The following HNRNPA1 variants were observed in gnomAD, a reference collection of about 807,000 sequenced individuals.
HNRNPA1 encodes the protein epididymis secretory sperm binding protein.
A neutral mutation model predicts 44.4 loss-of-function variants in HNRNPA1; 7 were observed. The observed-to-expected ratio is 0.16, with a 90% CI of 0.09 to 0.30. The LOEUF is 0.30. HNRNPA1 is among the 10% of genes least tolerant of loss of function. HNRNPA1 has a pLI of 1.00. For missense variants in HNRNPA1, 193 were observed against 465.8 expected (o/e 0.41, Z 5.39); for synonymous variants, 169 against 160.6 (o/e 1.05, Z -0.40).
At chr12:54,281,221 A>G (rs1485099155) in intron 1 of HNRNPA1, 165 bp from the exon 2 acceptor site, 1 of 708,212 alleles carries the variant, frequency 1.4e-6, no homozygotes, top group East Asian at 2.5e-5. Context: ...TAGCACTCCC[A>G]ACTCCAGCAT....
chr12:54,282,580 T>G lies in HNRNPA1; in HGVS notation c.591T>G (p.Ser197Arg). The change falls in exon 6 of 11, where the codon AGT (serine) becomes AGG (arginine). Residue 197 changes from serine to arginine, a missense_variant. By Grantham distance (110) the Ser-to-Arg change is moderately radical (BLOSUM62 -1). Coordinates refer to ENST00000340913, the MANE Select transcript of HNRNPA1 (RefSeq NM_031157.4). The part of the protein sequence containing the change: ...ASASSSQRGR[S>R]GSGNFGGGRG... ...TAAACTTCATGTCTTAAGGTCGAAG[T>G]GGTTCTGGAAACTTTGGTGGTGGTC... 1 of 1,613,990 alleles carries G rather than the reference T, an allele frequency of 6.2e-7. No individual in the cohort carries two copies. Among genetic ancestry groups the G allele is most frequent in the South Asian group, 1.1e-5 (1 of 91,080 alleles).
chr12:54,283,573 G>T, intron 8 of HNRNPA1: 1 of 594,978 alleles, frequency 1.7e-6, no homozygotes, highest in East Asian at 2.8e-5. Flanking sequence ...GGGTATGCTT[G>T]TGCCACTCTG....
chr12:54,281,036 T>TA lies in HNRNPA1; in HGVS notation c.15+215dup, dbSNP rs1295308839. On this transcript the variant is annotated intron_variant, in intron 1 of 10. Coordinates refer to ENST00000340913, the MANE Select transcript of HNRNPA1 (RefSeq NM_031157.4). Reference sequence around the variant, plus strand: ...CCATGAGTTATCATGCGGGACTCGTTACTCGTAGCAAAATTCTTAGGCACA... The same window carrying TA: ...CCATGAGTTATCATGCGGGACTCGTTAACTCGTAGCAAAATTCTTAGGCACA... 1.5e-5 allele frequency: 11 copies of TA among 710,936 alleles called. No homozygotes were observed. In the East Asian group the frequency reaches 3.0e-4, roughly 19 times the overall value. The allele number at this position is 710,936 out of a possible 1,614,324, so 44.0% of individuals were successfully genotyped here. A position where few individuals can be genotyped will look rare whatever the true frequency, so the allele number is the denominator to read the frequency against.
At chr12:54,281,548 G>T in intron 2 of HNRNPA1, 46 bp downstream of exon 2, 1 of 1,335,236 alleles carries the variant, frequency 7.5e-7, no homozygotes, top group Non-Finnish European at 1.1e-6. Context: ...GATTTCCTTG[G>T]CTTATCTTGG....
At chr12:54,284,064 G>T in intron 9 of HNRNPA1, 97 bp downstream of exon 9, 1 of 1,431,484 alleles carries the variant, frequency 7.0e-7, no homozygotes, top group Non-Finnish European at 9.5e-7. Flanking sequence ...GCAGCAAAAC[G>T]TTTATAGTTT....
chr12:54,284,125 C>A, intron 9 of HNRNPA1, 133 bp from the exon 10 acceptor site: 1 of 1,238,808 alleles, frequency 8.1e-7, no homozygotes, highest in Non-Finnish European at 1.1e-6. Flanking sequence ...AATCATGGGA[C>A]CTCTTTACCA....
chr12:54,281,765 T>G, intron 2 of HNRNPA1, 30 bp from the exon 3 acceptor site: 1 of 1,596,738 alleles, frequency 6.3e-7, no homozygotes, highest in Non-Finnish European at 8.5e-7. Context: ...CGGTCAGACT[T>G]TGTGTTACAT....
At chr12:54,283,327 C>T in intron 8 of HNRNPA1, 93 bp downstream of exon 8, 2 of 1,378,322 alleles carry the variant, frequency 1.5e-6, no homozygotes, top group East Asian at 2.5e-5. Context: ...GTGTGGTACA[C>T]TGCATGGTAT....
intron 8 of HNRNPA1, 111 bp downstream of exon 8, chr12:54,283,345 A>C: frequency 1.6e-6 from 2 of 1,245,450 alleles, no homozygotes; most frequent in Non-Finnish European, 2.3e-6. Flanking sequence ...TATATTAAAA[A>C]CAAATGGGCT....
rs369173601 is a variant in HNRNPA1 at position 54,280,744 on chromosome 12, G to C, written c.-64G>C. 11 of 1,597,602 alleles carry C rather than the reference G, an allele frequency of 6.9e-6. No homozygotes were observed. Among genetic ancestry groups the C allele is most frequent in the East Asian group, 6.7e-5 (3 of 44,790 alleles). ...GGCTGGCAGATACGTTCGTCAGCTT[G>C]CTCCTTTCTGCCCGTGGACGCCGCC... On this transcript the variant is annotated 5_prime_UTR_variant, in exon 1 of 11. Coordinates refer to ENST00000340913, the MANE Select transcript of HNRNPA1 (RefSeq NM_031157.4).
In HNRNPA1 at chr12:54,282,894, G is replaced by C. The variant is rs1245814884; in HGVS notation, c.751+20G>C. 1 of 1,541,748 alleles carries C rather than the reference G, an allele frequency of 6.5e-7. No individual in the cohort carries two copies. The highest frequency in any genetic ancestry group is 8.8e-7 in the Non-Finnish European group (1 of 1,141,988). ...ATGATGGTAAGTTTTTTAGGAATAA[G>C]TAGAGAAAAATTCCTGGCAACCTGG... On this transcript the variant is annotated intron_variant, in intron 7 of 10. Coordinates refer to ENST00000340913, the MANE Select transcript of HNRNPA1 (RefSeq NM_031157.4).
At chr12:54,284,220 G>T in intron 9 of HNRNPA1, 38 bp from the exon 10 acceptor site, 3 of 1,596,716 alleles carry the variant, frequency 1.9e-6, no homozygotes, top group East Asian at 2.2e-5. Context: ...ATTACTGTTG[G>T]CACTTTGAAA....
At chr12:54,281,261 G>A in intron 1 of HNRNPA1, 125 bp from the exon 2 acceptor site, 1 of 729,084 alleles carries the variant, frequency 1.4e-6, no homozygotes, top group South Asian at 1.6e-5. Flanking sequence ...AGAAGCACGT[G>A]TCTTGTTGCG....
rs536721561 is a variant in HNRNPA1 at position 54,285,471 on chromosome 12, A to G, written c.*927A>G. 6.6e-6 allele frequency: 1 copy of G among 152,324 alleles called. No individual in the cohort carries two copies. The highest frequency in any genetic ancestry group is 1.5e-5 in the Non-Finnish European group (1 of 68,030). 9.4% of individuals were successfully genotyped at this position (152,324 alleles called of 1,614,324 possible). On this transcript the variant is annotated 3_prime_UTR_variant, in exon 11 of 11. Transcript: ENST00000340913. Reference sequence around the variant, plus strand: ...ATCAGAAAGCATTTTAATGAACGTAAAGATAGGCTTACATTAAAGGAAAAC... The same window carrying G: ...ATCAGAAAGCATTTTAATGAACGTAGAGATAGGCTTACATTAAAGGAAAAC...
Position 54,283,159 on chromosome 12 carries a change from G to GGC in HNRNPA1, c.833_834dup (p.Ser279AlafsTer51). ...TGGTGGACAGGGTTATGGAAACCAGGGCAGTGGCTATGGCGGGAGTGGCAG... is the reference window on the plus strand; with the variant it reads ...TGGTGGACAGGGTTATGGAAACCAGGGCGCAGTGGCTATGGCGGGAGTGGCAG... On this transcript the variant is annotated frameshift_variant, in exon 8 of 11. Transcript: ENST00000340913. LOFTEE classifies it high-confidence loss of function. The GGC allele has an allele frequency of 6.2e-7, 1 of 1,613,668 alleles. No individual in the cohort carries two copies.
At chr12:54,284,058 C>CA in intron 9 of HNRNPA1, 91 bp downstream of exon 9, 1 of 1,459,684 alleles carries the variant, frequency 6.9e-7, no homozygotes, top group Non-Finnish European at 9.3e-7. Flanking sequence ...GTCTGGGCAG[C>CA]AAAACGTTTA....
chr12:54,284,774 G>A lies in HNRNPA1; in HGVS notation c.*230G>A. On this transcript the variant is annotated 3_prime_UTR_variant, in exon 11 of 11. Coordinates refer to ENST00000340913, the MANE Select transcript of HNRNPA1 (RefSeq NM_031157.4). ...GTTTCTGTTCTGTGGAAAGTGTAAAGCATTCCAACAAAGGGTTTTAATGTA... is the reference window on the plus strand; with the variant it reads ...GTTTCTGTTCTGTGGAAAGTGTAAAACATTCCAACAAAGGGTTTTAATGTA... 1 of 363,730 alleles carries A rather than the reference G, an allele frequency of 2.7e-6. No homozygotes were observed. The highest frequency in any genetic ancestry group is 5.4e-6 in the Non-Finnish European group (1 of 186,130). 22.5% of individuals were successfully genotyped at this position (363,730 alleles called of 1,614,324 possible). A position where few individuals can be genotyped will look rare whatever the true frequency, so the allele number is the denominator to read the frequency against.
intron 1 of HNRNPA1, 175 bp downstream of exon 1, chr12:54,280,997 C>T: frequency 2.7e-6 from 2 of 737,800 alleles, no homozygotes; most frequent in Non-Finnish European, 2.5e-6. Context: ...CGCCATGAGG[C>T]CGCTCTCCGC....
intron 9 of HNRNPA1, 91 bp from the exon 10 acceptor site, chr12:54,284,167 C>A: frequency 7.0e-7 from 1 of 1,420,706 alleles, no homozygotes; most frequent in Non-Finnish European, 9.8e-7. Flanking sequence ...TTTTAAATGG[C>A]CAGACACTTG....
Sources: allele counts gnomAD v4.1 joint callset, GRCh38; gene constraint gnomAD v4.1.1; transcripts MANE v1.5; gene names NCBI Gene and HGNC (gene_info 2026-07-23, HGNC 2026-07-21).